ZFHX3: variants seen among roughly 807,000 people sequenced by gnomAD.
The protein encoded by ZFHX3 is zinc finger homeobox 3.
In ZFHX3, 42 loss-of-function variants were observed where a neutral mutation model predicts 279.1. The observed-to-expected ratio is 0.15, with a 90% CI of 0.12 to 0.19. The LOEUF (loss-of-function observed/expected upper bound fraction) is 0.19. ZFHX3 is among the 10% of genes least tolerant of loss of function. The pLI is 1.00. For missense variants in ZFHX3, 4,981 were observed against 4,754.0 expected, an observed-to-expected ratio of 1.05 and a Z score of -1.40; for synonymous variants, 2,293 against 1,957.8, an observed-to-expected ratio of 1.17 and a Z score of -4.52.
intron 4 of ZFHX3, among the ~76,000 whole-genome samples, chr16:72,851,623 C>A (rs922059494): frequency 6.6e-6 from 1 of 151,928 alleles, no homozygotes; most frequent in African/African-American, 2.4e-5. Flanking sequence ...GGTGCAAGCT[C>A]TGCTCACTGC....
rs111924483 is a variant in ZFHX3 at position 73,557,758 on chromosome 16, C to G, written c.-1546-101500G>C. On this transcript the variant is annotated intron_variant, in intron 2 of 17. Transcript: ENST00000641206. Reference sequence around the variant, plus strand: ...CCTGTATTTTGTGCCGACCTCCTATCTCATCCTGTGACTTAGAATGTCTTC... The same window carrying G: ...CCTGTATTTTGTGCCGACCTCCTATGTCATCCTGTGACTTAGAATGTCTTC... Among the ~76,000 whole-genome samples, 694 of 152,284 alleles carry G rather than the reference C, an allele frequency of 4.6e-3. 3 individuals carry two copies. Among genetic ancestry groups the G allele is most frequent in the African/African-American group, 0.015 (624 of 41,554 alleles).
intron 2 of ZFHX3, among the ~76,000 whole-genome samples, chr16:73,602,407 T>A (rs538129333): frequency 3.9e-5 from 6 of 152,118 alleles, no homozygotes; most frequent in Non-Finnish European, 7.4e-5. Flanking sequence ...GGAAGCAACG[T>A]CTTTCTATTA....
At chr16:72,830,294 T>G (rs995362231) in intron 4 of ZFHX3, among the ~76,000 whole-genome samples, 9 of 152,366 alleles carry the variant, frequency 5.9e-5, no homozygotes, top group East Asian at 3.9e-4. Context: ...GGTACTGGCC[T>G]AGACCAGCCC....
rs1337241742 is a variant in ZFHX3 at position 72,784,553 on chromosome 16, A to G, written c.*2611T>C. The G allele has an allele frequency of 6.6e-6, 1 of 151,626 alleles. No homozygotes were observed. The highest frequency in any genetic ancestry group is 1.5e-5 in the Non-Finnish European group (1 of 67,972). The allele number at this position is 151,626 out of a possible 1,614,324, so 9.4% of individuals were successfully genotyped here. On this transcript the variant is annotated 3_prime_UTR_variant, in exon 10 of 10. Transcript: ENST00000268489. ...CAGTTAAATGGCAAAAAATATATAT[A>G]TATATATTTCATAGAGTTACAAACA...
chr16:72,930,832 T>C (rs1959753787), intron 3 of ZFHX3, among the ~76,000 whole-genome samples: 1 of 152,186 alleles, frequency 6.6e-6, no homozygotes, highest in African/African-American at 2.4e-5. Context: ...AAGACTTGTA[T>C]ATGACAGTCA....
intron 4 of ZFHX3, among the ~76,000 whole-genome samples, chr16:73,313,787 T>C (rs1352749473): frequency 6.6e-6 from 1 of 151,706 alleles, no homozygotes; most frequent in African/African-American, 2.4e-5. Flanking sequence ...GCTTGGAGAG[T>C]GGTTTTGGAT....
intron 2 of ZFHX3, among the ~76,000 whole-genome samples, chr16:73,589,688 C>G (rs1048767805): frequency 7.6e-6 from 1 of 131,042 alleles, no homozygotes; most frequent in African/African-American, 2.9e-5. Flanking sequence ...CAAGATCGCA[C>G]CACTGCACTC....
chr16:72,829,884 A>G (rs2037023717), intron 4 of ZFHX3, 25 bp from the exon 5 acceptor site: 6 of 1,613,646 alleles, frequency 3.7e-6, no homozygotes, highest in Non-Finnish European at 5.1e-6. Flanking sequence ...AAACATGTCA[A>G]GGGTTAAAAA....
intron 1 of ZFHX3, among the ~76,000 whole-genome samples, chr16:73,824,077 G>T (rs1043224850): frequency 6.6e-6 from 1 of 152,108 alleles, no homozygotes; most frequent in Non-Finnish European, 1.5e-5. Context: ...AAACGAAAAC[G>T]ATGTGCTCAA....
intron 3 of ZFHX3, among the ~76,000 whole-genome samples, chr16:72,943,733 G>A (rs1306766979): frequency 6.6e-6 from 1 of 152,144 alleles, no homozygotes; most frequent in African/African-American, 2.4e-5. Flanking sequence ...CCTGCTTTCT[G>A]AAAGGCCACT....
At chr16:72,901,759 G>A (rs925662044) in intron 3 of ZFHX3, among the ~76,000 whole-genome samples, 5 of 152,186 alleles carry the variant, frequency 3.3e-5, no homozygotes, top group Non-Finnish European at 5.9e-5. Context: ...GCTTCAAGAG[G>A]CCAGGAGATG....
chr16:73,694,024 TAA>T (rs376731332), intron 1 of ZFHX3, among the ~76,000 whole-genome samples: 4 of 146,396 alleles, frequency 2.7e-5, no homozygotes, highest in Non-Finnish European at 3.0e-5. Flanking sequence ...TCGTTTTAGC[TAA>T]AAAAAAAAAA....
At chr16:73,192,580 A>G (rs987371597) in intron 5 of ZFHX3, among the ~76,000 whole-genome samples, 1 of 152,154 alleles carries the variant, frequency 6.6e-6, no homozygotes, top group Admixed American at 6.5e-5. Flanking sequence ...TAAAAGAGTT[A>G]ATCACAGAAT....
intron 7 of ZFHX3, among the ~76,000 whole-genome samples, chr16:73,105,440 C>CATATATATATATAT (rs1567389918): frequency 0.011 from 1,185 of 109,506 alleles, 114 homozygotes; most frequent in Middle Eastern, 0.021. Flanking sequence ...TATACACACA[C>CATATATATATATAT]ACACATATAT....
chr16:73,166,110 C>T (rs1017195227), intron 5 of ZFHX3, among the ~76,000 whole-genome samples: 6 of 152,130 alleles, frequency 3.9e-5, no homozygotes, highest in African/African-American at 1.2e-4. Context: ...TATAGAGAGT[C>T]GCATTGGACC....
intron 1 of ZFHX3, among the ~76,000 whole-genome samples, chr16:73,028,354 G>C (rs952510917): frequency 2.0e-5 from 3 of 152,198 alleles, no homozygotes; most frequent in Non-Finnish European, 4.4e-5. Context: ...AGTTGTTCGG[G>C]AGAAGTCCTG....
intron 1 of ZFHX3, among the ~76,000 whole-genome samples, chr16:73,823,810 C>T (rs777759208): frequency 1.3e-5 from 2 of 152,130 alleles, no homozygotes; most frequent in Non-Finnish European, 2.9e-5. Flanking sequence ...AGTATGCCAG[C>T]GCCTCCTGCC....
chr16:72,932,772 A>C (rs1002210007), intron 3 of ZFHX3, among the ~76,000 whole-genome samples: 8 of 152,218 alleles, frequency 5.3e-5, no homozygotes, highest in East Asian at 1.9e-4. Context: ...TGGTCTAAGA[A>C]GACGATGGGA....
At chr16:73,243,744 TTGTG>T (rs34895940) in intron 5 of ZFHX3, among the ~76,000 whole-genome samples, 1 of 149,902 alleles carries the variant, frequency 6.7e-6, no homozygotes, top group Non-Finnish European at 1.5e-5. Context: ...CCAACACGTT[TTGTG>T]TGTGTGTGTG....
Sources: gnomAD v4.1 joint callset for allele counts (sites outside exome capture counted in the v4.1 genomes callset) on GRCh38, gnomAD v4.1.1 for gene constraint, MANE v1.5 for transcripts, NCBI Gene and HGNC (gene_info 2026-07-23, HGNC 2026-07-21) for gene names.